Variants in DOCK1 observed in about 807,000 individuals in gnomAD.
DOCK1 encodes dedicator of cytokinesis 1.
A neutral mutation model predicts 262.7 loss-of-function variants in DOCK1; 138 were observed. The ratio of observed to expected loss-of-function variants is 0.53; its 90% CI spans 0.46 to 0.61. The LOEUF is 0.61. Ranked by LOEUF, DOCK1 falls within the 20% of genes least tolerant of loss-of-function variation. DOCK1 has a pLI of 0.00. For synonymous variants in DOCK1, 866 were observed against 867.4 expected (o/e 1.00, Z 0.03); for missense variants, 1,908 against 2,370.7 (o/e 0.80, Z 4.05).
At chr10:127,083,415 C>G (rs2047020609) in intron 23 of DOCK1, among the ~76,000 whole-genome samples, 1 of 152,174 alleles carries the variant, frequency 6.6e-6, no homozygotes, top group Admixed American at 6.5e-5. Flanking sequence ...GCGATCTCCC[C>G]ACCCTTTGCT....
At chr10:127,292,047 A>G (rs1029825027) in intron 29 of DOCK1, among the ~76,000 whole-genome samples, 2 of 152,194 alleles carry the variant, frequency 1.3e-5, no homozygotes, top group Non-Finnish European at 2.9e-5. Context: ...CTGTGTGTCC[A>G]AAGTGCCTCT....
At chr10:127,355,581 T>C (rs558574175) in intron 32 of DOCK1, among the ~76,000 whole-genome samples, 1 of 152,266 alleles carries the variant, frequency 6.6e-6, no homozygotes, top group East Asian at 1.9e-4. Flanking sequence ...TTCCTTCAAA[T>C]GGACACGAGA....
chr10:127,170,296 C>T (rs1440175257), intron 27 of DOCK1, among the ~76,000 whole-genome samples: 3 of 152,178 alleles, frequency 2.0e-5, no homozygotes, highest in Non-Finnish European at 2.9e-5. Context: ...CTTATCACTA[C>T]CTGCTGGTCA....
intron 29 of DOCK1, among the ~76,000 whole-genome samples, chr10:127,273,252 C>A (rs1279357594): frequency 1.3e-5 from 2 of 151,910 alleles, no homozygotes; most frequent in African/African-American, 4.9e-5. Context: ...CGAGGCTGAA[C>A]CATAAATACC....
intron 32 of DOCK1, among the ~76,000 whole-genome samples, chr10:127,357,146 C>T (rs986420814): frequency 3.3e-5 from 5 of 152,296 alleles, no homozygotes; most frequent in African/African-American, 1.2e-4. Flanking sequence ...AAGGTCATTG[C>T]CTAGCACCAA....
chr10:127,006,180 G>A (rs907162021), intron 10 of DOCK1, among the ~76,000 whole-genome samples: 3 of 152,118 alleles, frequency 2.0e-5, no homozygotes, highest in African/African-American at 2.4e-5. Context: ...TCCATCTGCC[G>A]TGAGCAAGTC....
intron 27 of DOCK1, among the ~76,000 whole-genome samples, chr10:127,183,751 G>A (rs569538125): frequency 2.2e-4 from 34 of 152,168 alleles, no homozygotes; most frequent in Middle Eastern, 3.4e-3. Flanking sequence ...TTGTTGGGGG[G>A]CTGGTGAAGA....
intron 23 of DOCK1, among the ~76,000 whole-genome samples, chr10:127,076,649 A>G (rs1027381446): frequency 2.0e-5 from 3 of 152,068 alleles, no homozygotes. Context: ...CCACCCCAGC[A>G]CCCTGATTTC....
At chr10:127,400,625 G>A (rs1174984979) in intron 38 of DOCK1, among the ~76,000 whole-genome samples, 1 of 152,234 alleles carries the variant, frequency 6.6e-6, no homozygotes, top group African/African-American at 2.4e-5. Flanking sequence ...GTATAATGCA[G>A]ATGCCCACCT....
At chr10:127,408,983 A>G in intron 40 of DOCK1, 54 bp from the exon 41 acceptor site, 1 of 1,525,974 alleles carries the variant, frequency 6.6e-7, no homozygotes, top group Non-Finnish European at 8.8e-7. Context: ...TTGCATGTGA[A>G]CTCTTCCTGG....
chr10:127,091,943 C>A (rs180708606), intron 23 of DOCK1, among the ~76,000 whole-genome samples: 20 of 152,134 alleles, frequency 1.3e-4, no homozygotes, highest in African/African-American at 4.6e-4. Context: ...ACCTGAGGGC[C>A]GGGATGAATT....
chr10:126,922,258 G>A (rs886164199), intron 1 of DOCK1, among the ~76,000 whole-genome samples: 6 of 146,682 alleles, frequency 4.1e-5, no homozygotes, highest in South Asian at 2.2e-4. Context: ...ATTGGCTCAT[G>A]TTTCTGTAAG....
intron 29 of DOCK1, among the ~76,000 whole-genome samples, chr10:127,269,462 G>A (rs1171012478): frequency 2.0e-5 from 3 of 152,188 alleles, no homozygotes; most frequent in Non-Finnish European, 2.9e-5. Context: ...GAGGATATTT[G>A]TATATATTCA....
chr10:127,160,545 C>G (rs1195196917), intron 27 of DOCK1, among the ~76,000 whole-genome samples: 1 of 152,162 alleles, frequency 6.6e-6, no homozygotes, highest in Non-Finnish European at 1.5e-5. Flanking sequence ...AATTTTCAGC[C>G]AGTTCAGAGC....
chr10:127,215,238 G>C (rs2058153749), intron 27 of DOCK1, among the ~76,000 whole-genome samples: 1 of 152,152 alleles, frequency 6.6e-6, no homozygotes, highest in African/African-American at 2.4e-5. Context: ...ATGAGTGGCT[G>C]TTTGTAAATC....
chr10:127,103,283 G>A (rs59642584), intron 23 of DOCK1, among the ~76,000 whole-genome samples: 7,425 of 152,206 alleles, frequency 0.049, 497 homozygotes, highest in African/African-American at 0.15. Flanking sequence ...TCCCATGTAC[G>A]TGCCAAGTCA....
chr10:126,938,993 G>A (rs997967289), intron 1 of DOCK1, among the ~76,000 whole-genome samples: 21 of 120,484 alleles, frequency 1.7e-4, no homozygotes, highest in South Asian at 1.3e-3. Context: ...GATGAGCACC[G>A]GAGGGGACGA....
chr10:127,329,952 G>C (rs1400739740), intron 29 of DOCK1, among the ~76,000 whole-genome samples: 1 of 152,112 alleles, frequency 6.6e-6, no homozygotes, highest in Non-Finnish European at 1.5e-5. Flanking sequence ...TTCCAGACTG[G>C]TTTATCCCAA....
At chr10:127,382,913 CA>C (rs1254997850) in intron 37 of DOCK1, among the ~76,000 whole-genome samples, 5 of 152,182 alleles carry the variant, frequency 3.3e-5, no homozygotes, top group African/African-American at 1.2e-4. Context: ...TCGATAGGCC[CA>C]ATTGCATTGC....
Sources: gnomAD v4.1 joint callset for allele counts (sites outside exome capture counted in the v4.1 genomes callset) on GRCh38, gnomAD v4.1.1 for gene constraint, MANE v1.5 for transcripts, NCBI Gene and HGNC (gene_info 2026-07-23, HGNC 2026-07-21) for gene names.